RNFT2: variants seen among roughly 807,000 people sequenced by gnomAD.
RNFT2 encodes E3 ubiquitin-protein ligase RNFT2.
Under a neutral mutation model 53.0 loss-of-function variants are expected in RNFT2, and 36 were observed. The ratio of observed to expected loss-of-function variants is 0.68; its 90% confidence interval spans 0.52 to 0.90. The LOEUF (loss-of-function observed/expected upper bound fraction) is 0.90. RNFT2 is among the 40% of genes least tolerant of loss of function. RNFT2 has a pLI of 0.00. For missense variants in RNFT2, 514 were observed against 585.6 expected, an observed-to-expected ratio of 0.88 and a Z score of 1.26; for synonymous variants, 260 against 253.2, an observed-to-expected ratio of 1.03 and a Z score of -0.26.
At chr12:116,767,059 A>ATG in intron 6 of RNFT2, 145 bp downstream of exon 6, 1 of 595,354 alleles carries the variant, frequency 1.7e-6, no homozygotes, top group Non-Finnish European at 3.0e-6. Flanking sequence ...CTACTTATAT[A>ATG]TATCTAGACC....
chr12:116,824,540 C>A (rs990118009), intron 7 of RNFT2, among the ~76,000 whole-genome samples: 3 of 152,230 alleles, frequency 2.0e-5, no homozygotes, highest in Non-Finnish European at 4.4e-5. Context: ...GGGATTCCCC[C>A]TCATGGTCCA....
At chr12:116,780,703 G>A (rs968799890) in intron 7 of RNFT2, among the ~76,000 whole-genome samples, 1 of 151,736 alleles carries the variant, frequency 6.6e-6, no homozygotes, top group Non-Finnish European at 1.5e-5. Context: ...GAGAAGAAAG[G>A]CCAGAGGGAA....
chr12:116,851,703 A>T lies in RNFT2; in HGVS notation c.*2255A>T, dbSNP rs1197282976. 1.5e-6 allele frequency: 1 copy of T among 674,404 alleles called. No homozygotes were observed. Among genetic ancestry groups the T allele is most frequent in the South Asian group, 1.6e-5 (1 of 60,752 alleles). 41.8% of individuals were successfully genotyped at this position (674,404 alleles called of 1,614,324 possible). A position where few individuals can be genotyped will look rare whatever the true frequency, so the allele number is the denominator to read the frequency against. ...TTGCAGTGAGCCGAGATTGCACCAC[A>T]GCACTCCAACCTGGGTGACAGAGTG... On this transcript the variant is annotated 3_prime_UTR_variant, in exon 11 of 11. Coordinates refer to ENST00000257575, the MANE Select transcript of RNFT2 (RefSeq NM_001382266.1).
At chr12:116,796,003 G>A (rs1267048756) in intron 7 of RNFT2, among the ~76,000 whole-genome samples, 1 of 152,048 alleles carries the variant, frequency 6.6e-6, no homozygotes, top group African/African-American at 2.4e-5. Context: ...CTGCCTCCCG[G>A]GTTCAAGTGA....
chr12:116,835,470 C>G (rs1418021350), intron 8 of RNFT2, among the ~76,000 whole-genome samples: 1 of 152,170 alleles, frequency 6.6e-6, no homozygotes, highest in Non-Finnish European at 1.5e-5. Context: ...CTTTGGTTCT[C>G]CATTTCTGGC....
At chr12:116,818,075 T>G (rs1033384768) in intron 7 of RNFT2, among the ~76,000 whole-genome samples, 7 of 152,206 alleles carry the variant, frequency 4.6e-5, no homozygotes, top group Non-Finnish European at 7.3e-5. Context: ...GAGCTGAAAC[T>G]TGTACTTCCT....
chr12:116,768,387 C>G (rs1192546590), intron 6 of RNFT2, among the ~76,000 whole-genome samples: 1 of 152,076 alleles, frequency 6.6e-6, no homozygotes, highest in African/African-American at 2.4e-5. Context: ...AGGCATGAGC[C>G]ACCGCACCCA....
At chr12:116,834,790 A>T (rs892508534) in intron 8 of RNFT2, among the ~76,000 whole-genome samples, 1 of 151,038 alleles carries the variant, frequency 6.6e-6, no homozygotes, top group African/African-American at 2.4e-5. Flanking sequence ...AGCTCACCAT[A>T]TGATATTCTT....
chr12:116,744,815 G>A (rs553717852), intron 3 of RNFT2, among the ~76,000 whole-genome samples: 1 of 152,134 alleles, frequency 6.6e-6, no homozygotes, highest in Non-Finnish European at 1.5e-5. Context: ...TTCCCTGGTT[G>A]TACTGGAGGC....
chr12:116,798,986 TC>T (rs1874640280), intron 7 of RNFT2, among the ~76,000 whole-genome samples: 1 of 151,932 alleles, frequency 6.6e-6, no homozygotes, highest in Non-Finnish European at 1.5e-5. Context: ...AGGTCAGCAG[TC>T]CAGGTCAGCT....
Position 116,852,335 on chromosome 12 carries a change from T to C in RNFT2, c.*2887T>C. 1 of 1,265,274 alleles carries C rather than the reference T, an allele frequency of 7.9e-7. No individual in the cohort carries two copies. The highest frequency in any genetic ancestry group is 1.0e-6 in the Non-Finnish European group (1 of 1,000,314). The allele number at this position is 1,265,274 out of a possible 1,614,324, so 78.4% of individuals were successfully genotyped here. A position where few individuals can be genotyped will look rare whatever the true frequency, so the allele number is the denominator to read the frequency against. On this transcript the variant is annotated 3_prime_UTR_variant, in exon 11 of 11. Coordinates refer to ENST00000257575, the MANE Select transcript of RNFT2 (RefSeq NM_001382266.1). Reference sequence around the variant, plus strand: ...ATGTCCCCTTCCCCCTGCCCCGCCGTAGATTCAGGACATTTGCCCCTGTGT... The same window carrying C: ...ATGTCCCCTTCCCCCTGCCCCGCCGCAGATTCAGGACATTTGCCCCTGTGT...
intron 2 of RNFT2, 34 bp from the exon 3 acceptor site, chr12:116,741,002 G>A: frequency 6.3e-7 from 1 of 1,591,636 alleles, no homozygotes. Context: ...GGGAGTGTTG[G>A]GAGACTCTGG....
At chr12:116,805,582 C>T (rs142234367) in intron 7 of RNFT2, among the ~76,000 whole-genome samples, 3,108 of 152,270 alleles carry the variant, frequency 0.02, 115 homozygotes, top group African/African-American at 0.07. Flanking sequence ...TCCAGCAAGT[C>T]TCGTGCCTCA....
At chr12:116,836,305 C>T (rs1243653991) in intron 10 of RNFT2, 23 bp downstream of exon 10, 6 of 1,543,358 alleles carry the variant, frequency 3.9e-6, no homozygotes, top group Non-Finnish European at 5.3e-6. Context: ...CAGGCGGGAC[C>T]ATTGGAGACC....
chr12:116,821,051 G>T (rs12320851), intron 7 of RNFT2, among the ~76,000 whole-genome samples: 3,471 of 152,120 alleles, frequency 0.023, 142 homozygotes, highest in African/African-American at 0.078. Context: ...AGGAGCAATT[G>T]GTGTGCCGTT....
chr12:116,773,198 G>A (rs149270249), intron 6 of RNFT2, among the ~76,000 whole-genome samples: 2 of 152,256 alleles, frequency 1.3e-5, no homozygotes, highest in East Asian at 1.9e-4. Flanking sequence ...CTGACCTCAG[G>A]TGATCTGCCC....
Position 116,751,982 on chromosome 12 carries a change from G to A in RNFT2, c.550+1675G>A, listed in dbSNP as rs539595524. On this transcript the variant is annotated intron_variant, in intron 4 of 10. Coordinates refer to ENST00000257575, the MANE Select transcript of RNFT2 (RefSeq NM_001382266.1). ...GATCATGGTGTTGCTGTGCCCTGGC[G>A]GGCTTATACACTGTTGTTTTAGTAC... 3.0e-4 allele frequency among the ~76,000 whole-genome samples: 46 copies of A among 152,224 alleles called. 1 individual carries two copies. In the South Asian group the frequency reaches 7.0e-3, roughly 23 times the overall value.
intron 10 of RNFT2, among the ~76,000 whole-genome samples, chr12:116,845,584 G>C (rs1159558115): frequency 6.6e-6 from 1 of 152,084 alleles, no homozygotes; most frequent in Non-Finnish European, 1.5e-5. Context: ...ATAAGCCATG[G>C]GTTGAAGGTC....
chr12:116,753,914 T>C, intron 4 of RNFT2, 70 bp from the exon 5 acceptor site: 1 of 1,196,154 alleles, frequency 8.4e-7, no homozygotes, highest in South Asian at 1.2e-5. Context: ...TTTTCCCCCA[T>C]GTTGCTCAGC....
Sources: gnomAD v4.1 joint callset for allele counts (sites outside exome capture counted in the v4.1 genomes callset) on GRCh38, gnomAD v4.1.1 for gene constraint, MANE v1.5 for transcripts, NCBI Gene and HGNC (gene_info 2026-07-23, HGNC 2026-07-21) for gene names.